TXLNB: variants seen among roughly 807,000 people sequenced by gnomAD.
The protein encoded by TXLNB is taxilin beta.
TXLNB carries 37 observed loss-of-function variants against 57.4 expected under a neutral mutation model. That is an observed-to-expected ratio of 0.64 (90% CI 0.50 to 0.85). The LOEUF (loss-of-function observed/expected upper bound fraction) is 0.85, where lower values mean the gene tolerates loss of function less well. TXLNB is among the 40% of genes least tolerant of loss of function. TXLNB has a pLI of 0.00. For synonymous variants in TXLNB, 302 were observed against 309.6 expected (o/e 0.98, Z 0.26); for missense variants, 848 against 825.6 (o/e 1.03, Z -0.33).
Position 139,244,666 on chromosome 6 carries a change from C to G in TXLNB, c.1195G>C (p.Glu399Gln). The G allele has an allele frequency of 6.2e-7, 1 of 1,613,532 alleles. No individual in the cohort carries two copies. Among genetic ancestry groups the G allele is most frequent in the Non-Finnish European group, 8.5e-7 (1 of 1,179,500 alleles). Residue 399 changes from glutamate to glutamine, a missense_variant, in exon 9 of 10, where the codon GAA (glutamate) becomes CAA (glutamine). Coordinates refer to ENST00000358430, the MANE Select transcript of TXLNB (RefSeq NM_153235.4). Reference sequence around the variant, plus strand: ...GCTTTCCATGTGGCTGTGTCCTTTTCCAGCTTCTTCATTTTCTTAGTTGTC... The same window carrying G: ...GCTTTCCATGTGGCTGTGTCCTTTTGCAGCTTCTTCATTTTCTTAGTTGTC... ...DKTTKKMKKL[E>Q]KDTATWKARF...
intron 2 of TXLNB, among the ~76,000 whole-genome samples, chr6:139,287,687 C>T (rs968969423): frequency 6.6e-6 from 1 of 152,180 alleles, no homozygotes; most frequent in African/African-American, 2.4e-5. Context: ...TGAGTGTTTC[C>T]ACCAGGAAAG....
chr6:139,174,250 T>C, the TXLNB span: 6 of 1,003,502 alleles, frequency 6.0e-6, no homozygotes, highest in Admixed American at 5.8e-5. Context: ...GTACTAAATA[T>C]TGATTTTTCT....
chr6:139,307,187 T>C, the TXLNB span, among the ~76,000 whole-genome samples: 2 of 152,082 alleles, frequency 1.3e-5, no homozygotes, highest in African/African-American at 4.8e-5. Context: ...CAACAAATGA[T>C]TGGGGTTTTT....
chr6:139,183,501 G>GTGTT, the TXLNB span: 1 of 152,064 alleles, frequency 6.6e-6, no homozygotes, highest in African/African-American at 2.4e-5. Context: ...CTTTCATTTG[G>GTGTT]TGTTTACTGA....
the TXLNB span, chr6:139,176,797 G>GTA: frequency 9.8e-6 from 6 of 615,324 alleles, no homozygotes; most frequent in Non-Finnish European, 1.8e-5. The surrounding 1 kb of genome is among the most constrained non-coding windows in gnomAD (Gnocchi z 4.5). Flanking sequence ...AGTCTTTCAG[G>GTA]TATACCCCGT....
chr6:139,319,353 GCCT>G, the TXLNB span, among the ~76,000 whole-genome samples: 1 of 150,720 alleles, frequency 6.6e-6, no homozygotes, highest in Non-Finnish European at 1.5e-5. Context: ...GCCTGCTTTG[GCCT>G]CCTCAAGTTC....
At chr6:139,211,890 C>A in the TXLNB span, among the ~76,000 whole-genome samples, 392 of 151,598 alleles carry the variant, frequency 2.6e-3, 1 homozygote, top group South Asian at 0.016. Context: ...CGATGGAAGA[C>A]GAAATGAATA....
the TXLNB span, chr6:139,166,338 A>G: frequency 3.7e-6 from 6 of 1,613,496 alleles, no homozygotes; most frequent in Non-Finnish European, 5.1e-6. Context: ...GTGGACCTGG[A>G]GAAGGACGAC....
At chr6:139,232,624 C>T in the TXLNB span, among the ~76,000 whole-genome samples, 3 of 152,112 alleles carry the variant, frequency 2.0e-5, no homozygotes, top group Non-Finnish European at 4.4e-5. Context: ...AGTTTTTATC[C>T]GTGCTCTACT....
the TXLNB span, among the ~76,000 whole-genome samples, chr6:139,312,404 G>A: frequency 1.3e-5 from 2 of 152,228 alleles, no homozygotes; most frequent in African/African-American, 4.8e-5. Flanking sequence ...CCCTTACTCT[G>A]TTGAAGCTGG....
At chr6:139,305,182 TG>T in the TXLNB span, among the ~76,000 whole-genome samples, 1 of 152,212 alleles carries the variant, frequency 6.6e-6, no homozygotes, top group Non-Finnish European at 1.5e-5. Flanking sequence ...ACTCTCCCAT[TG>T]AAACTTTGAC....
the TXLNB span, chr6:139,169,731 C>G: frequency 6.6e-6 from 1 of 152,192 alleles, no homozygotes; most frequent in Non-Finnish European, 1.5e-5. Flanking sequence ...TCACATGTTG[C>G]TCTCAGGATG....
rs1416130764 is a variant in TXLNB, at chr6:139,282,154, GTCTCCTTCAGAAAATACCA to G, written c.425-5252_425-5234del. Among the ~76,000 whole-genome samples the G allele has an allele frequency of 3.3e-5, 5 of 149,626 alleles. 1 individual carries two copies. The East Asian group carries it at 5.9e-4, about 18-fold the overall frequency. On this transcript the variant is annotated intron_variant, in intron 2 of 9. Coordinates refer to ENST00000358430, the MANE Select transcript of TXLNB (RefSeq NM_153235.4). The stretch of plus-strand genomic sequence containing the variant: ...CTTATCATCTCCTTCAGAAAATTTA[GTCTCCTTCAGAAAATACCA>G]TCTCCTTCAGAAAATATCAAAGCTG...
chr6:139,174,254 T>C, the TXLNB span: 2 of 1,059,878 alleles, frequency 1.9e-6, no homozygotes, highest in Non-Finnish European at 1.3e-6. Context: ...TAAATATTGA[T>C]TTTTCTTTTT....
At chr6:139,189,724 G>GAGCC in the TXLNB span, among the ~76,000 whole-genome samples, 3 of 152,182 alleles carry the variant, frequency 2.0e-5, no homozygotes, top group South Asian at 6.2e-4. Flanking sequence ...TTTGCGGGGA[G>GAGCC]AGAGGTCAGA....
chr6:139,159,447 C>CT, the TXLNB span, among the ~76,000 whole-genome samples: 1 of 152,052 alleles, frequency 6.6e-6, no homozygotes, highest in East Asian at 1.9e-4. Context: ...ACATAAATGT[C>CT]TTTTTTTCCT....
the TXLNB span, among the ~76,000 whole-genome samples, chr6:139,168,734 C>T: frequency 6.6e-6 from 1 of 151,974 alleles, no homozygotes; most frequent in Non-Finnish European, 1.5e-5. Flanking sequence ...AGGAAACATC[C>T]CCCAGGAGCT....
intron 7 of TXLNB, among the ~76,000 whole-genome samples, chr6:139,254,438 G>A (rs1776284332): frequency 6.6e-6 from 1 of 152,124 alleles, no homozygotes; most frequent in African/African-American, 2.4e-5. Context: ...CTTGCCTTCG[G>A]TGAATTTCTC....
the TXLNB span, chr6:139,169,923 T>G: frequency 1.3e-4 from 20 of 152,232 alleles, no homozygotes; most frequent in Non-Finnish European, 5.9e-5. Context: ...TTTATGGTTG[T>G]TTGTAACTTA....
Sources: allele counts gnomAD v4.1 joint callset (sites outside exome capture counted in the v4.1 genomes callset), GRCh38; gene constraint gnomAD v4.1.1; non-coding constraint Gnocchi (gnomAD v3.1); transcripts MANE v1.5; gene names NCBI Gene and HGNC (gene_info 2026-07-23, HGNC 2026-07-21).